The following ORM2 variants were observed in gnomAD, a reference collection of about 807,000 sequenced individuals.
The protein encoded by ORM2 is alpha-1-acid glycoprotein 2.
ORM2 carries 19 observed loss-of-function variants against 26.8 expected under a neutral mutation model. The ratio of observed to expected loss-of-function variants is 0.71; its 90% CI spans 0.49 to 1.04. The LOEUF (loss-of-function observed/expected upper bound fraction) is 1.04, where lower values mean the gene tolerates loss of function less well. ORM2 is among the 50% of genes least tolerant of loss of function. The pLI is 0.00. For missense variants in ORM2, 259 were observed against 244.9 expected (o/e 1.06, Z -0.39); for synonymous variants, 94 against 100.0 (o/e 0.94, Z 0.36).
chr9:114,330,164 G>A (rs1166309777), intron 1 of ORM2, 146 bp downstream of exon 1: 1 of 1,380,344 alleles, frequency 7.2e-7, no homozygotes. Flanking sequence ...ATTCTCACCA[G>A]CCCAGGGGAC....
intron 1 of ORM2, 93 bp downstream of exon 1, chr9:114,330,111 A>C (rs1829826782): frequency 6.2e-7 from 1 of 1,606,658 alleles, no homozygotes. Flanking sequence ...TCGCACCCCC[A>C]CTCCCAGCTC....
In ORM2 at chr9:114,330,778, C is replaced by CTGGT. The variant is rs1484480162; in HGVS notation, c.258-11_258-8dup. ...AACATTACTGTTTTTCTTCCGCCTT[C>CTGGT]TGGTTGACTTTAGCCAGAACCAGTG... is the stretch of plus-strand genomic sequence containing the variant. On this transcript the variant is annotated splice_polypyrimidine_tract_variant and intron_variant, in intron 2 of 5. Transcript: ENST00000431067. 1.9e-6 allele frequency: 3 copies of CTGGT among 1,613,300 alleles called. No individual in the cohort carries two copies. The highest frequency in any genetic ancestry group is 2.5e-6 in the Non-Finnish European group (3 of 1,179,556).
chr9:114,331,707 C>G (rs1300614813), intron 4 of ORM2, 33 bp downstream of exon 4: 2 of 1,593,172 alleles, frequency 1.3e-6, no homozygotes, highest in African/African-American at 2.7e-5. Flanking sequence ...AACTCATGCC[C>G]CTCTCAGGCC....
Position 114,330,423 on chromosome 9 carries a change from C to G in ORM2, c.115-11C>G. The G allele has an allele frequency of 1.9e-6, 3 of 1,558,142 alleles. 1 individual carries two copies. The highest frequency in any genetic ancestry group is 2.6e-6 in the Non-Finnish European group (3 of 1,144,678). ...TCAAGCCCCCATCACCAGCTCCCCC[C>G]TTCTCCCCAGATCACTGGCAAGTGG... On this transcript the variant is annotated splice_polypyrimidine_tract_variant and intron_variant, in intron 1 of 5. Coordinates refer to ENST00000431067, the MANE Select transcript of ORM2 (RefSeq NM_000608.4).
rs1829838879 is a variant in ORM2 at position 114,330,815 on chromosome 9, CCA to C, written c.282_283del (p.Ser95LeufsTer28). The C allele has an allele frequency of 1.2e-6, 2 of 1,613,998 alleles. No individual in the cohort carries two copies. Among genetic ancestry groups the C allele is most frequent in the Non-Finnish European group, 1.7e-6 (2 of 1,179,986 alleles). On this transcript the variant is annotated frameshift_variant, in exon 3 of 6. Transcript: ENST00000431067. LOFTEE classifies it high-confidence loss of function. ...AGCCAGAACCAGTGCTTCTATAACT[CCA>C]GTTACCTGAATGTCCAGCGGGAGAA...
chr9:114,331,721 C>G (rs751517453), intron 4 of ORM2, 47 bp downstream of exon 4: 10 of 1,582,238 alleles, frequency 6.3e-6, no homozygotes, highest in Non-Finnish European at 8.7e-6. Flanking sequence ...TCAGGCCTCA[C>G]CCCCCATTCA....
rs751641777 is a variant in ORM2, at chr9:114,330,908, C to T, written c.328+46C>T. The stretch of plus-strand genomic sequence containing the variant: ...AGGAGGGTTCACCGTGGGAACAGGG[C>T]AGGCCAGCATAAGGTGGGGGCTGGA... On this transcript the variant is annotated intron_variant, in intron 3 of 5. Coordinates refer to ENST00000431067, the MANE Select transcript of ORM2 (RefSeq NM_000608.4). 35 of 1,532,170 alleles carry T rather than the reference C, an allele frequency of 2.3e-5. No homozygotes were observed. In the South Asian group the frequency reaches 3.8e-4, roughly 17 times the overall value. 94.9% of individuals were successfully genotyped at this position (1,532,170 alleles called of 1,614,324 possible). A position where few individuals can be genotyped will look rare whatever the true frequency, so the allele number is the denominator to read the frequency against.
intron 3 of ORM2, 150 bp downstream of exon 3, chr9:114,331,012 C>T (rs1829842203): frequency 4.7e-6 from 3 of 640,534 alleles, no homozygotes; most frequent in East Asian, 2.7e-5. Flanking sequence ...CAGAAAAAAT[C>T]CCTAAGAAGA....
In ORM2 at chr9:114,331,231, C is replaced by T. The variant is rs563107222; in HGVS notation, c.329-336C>T. 1.3e-3 allele frequency among the ~76,000 whole-genome samples: 203 copies of T among 152,164 alleles called. 2 individuals carry two copies. Among genetic ancestry groups the T allele is most frequent in the African/African-American group, 4.2e-3 (175 of 41,444 alleles). On this transcript the variant is annotated intron_variant, in intron 3 of 5. Transcript: ENST00000431067. ...TACCTTCAACTATGTCCCCCATCAC[C>T]GCAGAGGTGGCACATGGCAGGGATC...
In ORM2 at chr9:114,330,241, T is replaced by C. The variant is rs559310509; in HGVS notation, c.115-193T>C. 1.1e-3 allele frequency: 833 copies of C among 742,312 alleles called. 1 individual carries two copies. Among genetic ancestry groups the C allele is most frequent in the Non-Finnish European group, 1.9e-3 (782 of 415,378 alleles). The allele number at this position is 742,312 out of a possible 1,614,324, so 46.0% of individuals were successfully genotyped here. ...CAGAGTCCTTCACGGAGGACGGTTCTGTGCTGGGCCTGGAGGGGCTGCCTG... is the reference window on the plus strand; with the variant it reads ...CAGAGTCCTTCACGGAGGACGGTTCCGTGCTGGGCCTGGAGGGGCTGCCTG... On this transcript the variant is annotated intron_variant, in intron 1 of 5. Coordinates refer to ENST00000431067, the MANE Select transcript of ORM2 (RefSeq NM_000608.4).
Position 114,331,924 on chromosome 9 carries a change from A to G in ORM2, c.535A>G (p.Lys179Glu). 6.2e-7 allele frequency: 1 copy of G among 1,612,456 alleles called. No individual in the cohort carries two copies. Among genetic ancestry groups the G allele is most frequent in the Non-Finnish European group, 8.5e-7 (1 of 1,178,874 alleles). ...PRSDVMYTDW[K>E]KDKCEPLEKQ... Reference sequence around the variant, plus strand: ...GTCAGATGTCATGTACACCGACTGGAAAAAGGTAAACGCAAGGGATTGGAC... The same window carrying G: ...GTCAGATGTCATGTACACCGACTGGGAAAAGGTAAACGCAAGGGATTGGAC... Residue 179 changes from lysine to glutamate, a missense_variant, in exon 5 of 6, where the codon AAA (lysine) becomes GAA (glutamate). Lys to Glu is a moderately conservative substitution (Grantham distance 56). This residue lies in a region of ORM2 where 251 missense variants were observed against 220.5 expected (regional missense o/e 1.14). Coordinates refer to ENST00000431067, the MANE Select transcript of ORM2 (RefSeq NM_000608.4).
In ORM2 at chr9:114,331,549, GCT is replaced by G. The variant is rs1456261077; in HGVS notation, c.329-15_329-14del. On this transcript the variant is annotated splice_polypyrimidine_tract_variant and intron_variant, in intron 3 of 5. Transcript: ENST00000431067. ...TGCCATCCCATGTTCTCACCCAGAG[GCT>G]CTTTTTCTCTTCCAGAGGGAGGCCG... 1.3e-6 allele frequency: 2 copies of G among 1,597,046 alleles called. No individual in the cohort carries two copies. Among genetic ancestry groups the G allele is most frequent in the African/African-American group, 2.7e-5 (2 of 74,116 alleles).
intron 5 of ORM2, 64 bp downstream of exon 5, chr9:114,331,993 C>A: frequency 2.1e-6 from 3 of 1,443,010 alleles, no homozygotes; most frequent in Non-Finnish European, 2.9e-6. Flanking sequence ...GCCCCAGAGG[C>A]CCAGAGCAGG....
intron 5 of ORM2, among the ~76,000 whole-genome samples, 179 bp from the exon 6 acceptor site, chr9:114,332,889 TC>T: frequency 6.6e-6 from 1 of 152,150 alleles, no homozygotes; most frequent in Admixed American, 6.5e-5. Flanking sequence ...AAGCTGAGGT[TC>T]AGAGACAGAA....
intron 3 of ORM2, among the ~76,000 whole-genome samples, chr9:114,331,264 G>A (rs761425134): frequency 6.6e-6 from 1 of 152,086 alleles, no homozygotes; most frequent in Non-Finnish European, 1.5e-5. Flanking sequence ...ATCTGATGGA[G>A]CTGAACTGAC....
rs763097017 is a variant in ORM2, at chr9:114,330,717, G to C, written c.258-75G>C. 11 of 1,552,638 alleles carry C rather than the reference G, an allele frequency of 7.1e-6. No homozygotes were observed. In the African/African-American group the frequency reaches 1.4e-4, roughly 19 times the overall value. ...TTAATCTCCACCAGACTCTTGCCCC[G>C]GGACTGTGATGGGCGATTGGCCACT... On this transcript the variant is annotated intron_variant, in intron 2 of 5. Coordinates refer to ENST00000431067, the MANE Select transcript of ORM2 (RefSeq NM_000608.4).
chr9:114,330,685 G>A, intron 2 of ORM2, 107 bp from the exon 3 acceptor site: 1 of 1,601,906 alleles, frequency 6.2e-7, no homozygotes, highest in Non-Finnish European at 8.5e-7. Context: ...AACCGGGAGG[G>A]TTGGCTTTAA....
Position 114,331,591 on chromosome 9 carries a change from A to G in ORM2, c.353A>G (p.His118Arg), listed in dbSNP as rs1829852589. 1.2e-6 allele frequency: 2 copies of G among 1,613,712 alleles called. No individual in the cohort carries two copies. Among genetic ancestry groups the G allele is most frequent in the Admixed American group, 1.7e-5 (1 of 59,992 alleles). ...GAGGGAGGCCGAGAACATGTTGCTC[A>G]CCTGCTGTTCCTTAGGGACACCAAG... ...RYEGGREHVA[H>R]LLFLRDTKTL... The change falls in exon 4 of 6, where the codon CAC (histidine) becomes CGC (arginine). Residue 118 changes from histidine to arginine, a missense_variant. His to Arg is a conservative substitution (Grantham distance 29). This residue lies in a region of ORM2 where 251 missense variants were observed against 220.5 expected (regional missense o/e 1.14). Coordinates refer to ENST00000431067, the MANE Select transcript of ORM2 (RefSeq NM_000608.4).
At chr9:114,331,215 C>A (rs944757643) in intron 3 of ORM2, among the ~76,000 whole-genome samples, 1 of 152,092 alleles carries the variant, frequency 6.6e-6, no homozygotes, top group African/African-American at 2.4e-5. Context: ...GTACCTTCAA[C>A]TATGTCCCCC....
Sources: allele counts gnomAD v4.1 joint callset (sites outside exome capture counted in the v4.1 genomes callset), GRCh38; gene constraint gnomAD v4.1.1; regional missense constraint gnomAD v4.1.1; transcripts MANE v1.5; gene names NCBI Gene and HGNC (gene_info 2026-07-23, HGNC 2026-07-21).